Variants in MDFIC observed in about 807,000 individuals in gnomAD.
MDFIC encodes myoD family inhibitor domain-containing protein.
A neutral mutation model predicts 23.2 loss-of-function variants in MDFIC; 17 were observed. The observed-to-expected ratio is 0.73, with a 90% CI of 0.50 to 1.10. MDFIC has a LOEUF of 1.10. MDFIC is among the 50% of genes least tolerant of loss of function. The pLI is 0.00. For synonymous variants in MDFIC, 120 were observed against 115.2 expected (o/e 1.04, Z -0.27); for missense variants, 356 against 316.6 (o/e 1.12, Z -0.95).
chr7:114,926,448 C>T (rs1792191873), intron 2 of MDFIC, among the ~76,000 whole-genome samples: 1 of 152,146 alleles, frequency 6.6e-6, no homozygotes, highest in South Asian at 2.1e-4. Context: ...GATGCATTGA[C>T]AATAGGCTTG....
At position 115,016,172 on chromosome 7, in the gene MDFIC, G is replaced by A. The variant is rs1791791196; in HGVS notation, c.*237G>A. On this transcript the variant is annotated 3_prime_UTR_variant, in exon 5 of 5. Coordinates refer to ENST00000393486, the MANE Select transcript of MDFIC (RefSeq NM_001166345.3). ...TTCTTAATATGTTACAATAACTTAG[G>A]GACATTTTGACACCCCCCTTCCCAA... 2.3e-6 allele frequency: 1 copy of A among 430,344 alleles called. No homozygotes were observed. The highest frequency in any genetic ancestry group is 2.0e-5 in the African/African-American group (1 of 49,468). 26.7% of individuals were successfully genotyped at this position (430,344 alleles called of 1,614,324 possible). A position where few individuals can be genotyped will look rare whatever the true frequency, so the allele number is the denominator to read the frequency against.
In MDFIC at chr7:114,923,065, G is replaced by T. The variant is rs1325604153; in HGVS notation, c.32G>T (p.Gly11Val). 6.4e-6 allele frequency: 9 copies of T among 1,397,512 alleles called. No individual in the cohort carries two copies. The highest frequency in any genetic ancestry group is 8.4e-6 in the Non-Finnish European group (9 of 1,077,528). 86.6% of individuals were successfully genotyped at this position (1,397,512 alleles called of 1,614,324 possible). Residue 11 changes from glycine (G) to valine (V), a missense_variant, in exon 2 of 5, where the codon GGG (glycine) becomes GTG (valine). Gly to Val is a moderately radical substitution (Grantham distance 109). Transcript: ENST00000393486. ...GGCGCGGGCGAAGCCCTCGCTCCCG[G>T]GCCCGTGGGGCCGCAGCGCGTGGCC... is the stretch of plus-strand genomic sequence containing the variant. MSGAGEALAP[G>V]PVGPQRVAEA...
At chr7:114,944,977 A>G (rs1402457359) in intron 3 of MDFIC, among the ~76,000 whole-genome samples, 2 of 152,224 alleles carry the variant, frequency 1.3e-5, no homozygotes, top group African/African-American at 4.8e-5. Flanking sequence ...GGATCATCAG[A>G]AAAATGAGGC....
intron 2 of MDFIC, among the ~76,000 whole-genome samples, chr7:114,935,929 C>T (rs1041751092): frequency 2.0e-5 from 3 of 152,010 alleles, no homozygotes; most frequent in African/African-American, 4.8e-5. Context: ...TTATTTATAG[C>T]GTGTTTTAAA....
At chr7:114,997,242 G>A (rs1463578190) in intron 4 of MDFIC, among the ~76,000 whole-genome samples, 4 of 152,180 alleles carry the variant, frequency 2.6e-5, no homozygotes, top group Non-Finnish European at 5.9e-5. Context: ...AGGATATAAA[G>A]GCGAATGTTT....
At chr7:114,930,139 T>G (rs1792281483) in intron 2 of MDFIC, among the ~76,000 whole-genome samples, 1 of 152,180 alleles carries the variant, frequency 6.6e-6, no homozygotes, top group African/African-American at 2.4e-5. Context: ...AAATGCCTGC[T>G]GGGTAACACA....
intron 3 of MDFIC, among the ~76,000 whole-genome samples, chr7:114,956,337 TTA>T (rs1193658198): frequency 7.0e-6 from 1 of 142,184 alleles, no homozygotes; most frequent in Admixed American, 7.0e-5. Context: ...TACATAAATA[TTA>T]TATATATATA....
At chr7:115,006,260 T>C (rs1037048868) in intron 4 of MDFIC, among the ~76,000 whole-genome samples, 2 of 152,168 alleles carry the variant, frequency 1.3e-5, no homozygotes, top group African/African-American at 4.8e-5. Flanking sequence ...AGAATTGTTG[T>C]GTATGATCCC....
In MDFIC at chr7:114,985,145, G is replaced by C. The variant is rs6466506; in HGVS notation, c.493+5364G>C. Among the ~76,000 whole-genome samples, 1,108 of 152,272 alleles carry C rather than the reference G, an allele frequency of 7.3e-3. 17 individuals carry two copies. Among genetic ancestry groups the C allele is most frequent in the African/African-American group, 0.025 (1,022 of 41,564 alleles). ...TCACCAGTGATGTGTCTTTGGGCAG[G>C]TTACTTAGCCTCTTTTTGCATCAGC... On this transcript the variant is annotated intron_variant, in intron 4 of 4. Transcript: ENST00000393486.
intron 4 of MDFIC, among the ~76,000 whole-genome samples, chr7:114,985,053 G>A (rs1793485842): frequency 6.6e-6 from 1 of 152,138 alleles, no homozygotes; most frequent in African/African-American, 2.4e-5. Flanking sequence ...TAGAAGCAGT[G>A]TGGTATAGTA....
chr7:114,950,962 T>A (rs1792757022), intron 3 of MDFIC, among the ~76,000 whole-genome samples: 1 of 152,078 alleles, frequency 6.6e-6, no homozygotes, highest in South Asian at 2.1e-4. Flanking sequence ...TTGCTTGATT[T>A]CAGGAGTTTG....
At chr7:114,927,801 C>G (rs1792225424) in intron 2 of MDFIC, among the ~76,000 whole-genome samples, 1 of 152,012 alleles carries the variant, frequency 6.6e-6, no homozygotes, top group African/African-American at 2.4e-5. Flanking sequence ...ATTTAGTTCC[C>G]TAATAAAAGT....
intron 2 of MDFIC, among the ~76,000 whole-genome samples, chr7:114,935,799 A>G (rs1445632703): frequency 6.6e-6 from 1 of 152,092 alleles, no homozygotes; most frequent in East Asian, 1.9e-4. Context: ...AAAAAATAAC[A>G]TACAGCTACT....
intron 4 of MDFIC, among the ~76,000 whole-genome samples, chr7:115,009,748 C>CA (rs1295891595): frequency 2.0e-5 from 3 of 152,196 alleles, no homozygotes; most frequent in African/African-American, 7.2e-5. Flanking sequence ...TCGTAGGACT[C>CA]AAAGATTTTG....
chr7:114,973,107 A>G (rs1179653183), intron 3 of MDFIC, among the ~76,000 whole-genome samples: 1 of 150,318 alleles, frequency 6.7e-6, no homozygotes, highest in Non-Finnish European at 1.5e-5. Context: ...GTGTGTATAT[A>G]TATATATATA....
In MDFIC at chr7:114,986,521, C is replaced by T. The variant is rs74601297; in HGVS notation, c.493+6740C>T. 4.3e-3 allele frequency among the ~76,000 whole-genome samples: 657 copies of T among 152,314 alleles called. 4 individuals are homozygous for T. Among genetic ancestry groups the T allele is most frequent in the African/African-American group, 0.015 (625 of 41,566 alleles). The stretch of plus-strand genomic sequence containing the variant: ...GTAAAAATATCTTTCCTTGACCTTA[C>T]TATTTCCCCTTCCTTTCACCATCTG... On this transcript the variant is annotated intron_variant, in intron 4 of 4. Transcript: ENST00000393486.
chr7:114,932,768 G>C (rs993724094), intron 2 of MDFIC, among the ~76,000 whole-genome samples: 18 of 152,202 alleles, frequency 1.2e-4, no homozygotes, highest in African/African-American at 4.3e-4. Context: ...GGCTGAGTTA[G>C]TGAAGTTTAT....
In MDFIC at chr7:115,016,187, C is replaced by T. The variant is rs1791791516; in HGVS notation, c.*252C>T. On this transcript the variant is annotated 3_prime_UTR_variant, in exon 5 of 5. Coordinates refer to ENST00000393486, the MANE Select transcript of MDFIC (RefSeq NM_001166345.3). ...AATAACTTAGGGACATTTTGACACC[C>T]CCCTTCCCAAATGTTAAATGCCTTC... The T allele has an allele frequency of 2.5e-6, 1 of 405,456 alleles. No individual in the cohort carries two copies. The highest frequency in any genetic ancestry group is 4.4e-6 in the Non-Finnish European group (1 of 226,434). The allele number at this position is 405,456 out of a possible 1,614,324, so 25.1% of individuals were successfully genotyped here. A position where few individuals can be genotyped will look rare whatever the true frequency, so the allele number is the denominator to read the frequency against.
At position 114,928,564 on chromosome 7, in the gene MDFIC, A is replaced by G. The variant is rs958507764; in HGVS notation, c.94+5437A>G. Among the ~76,000 whole-genome samples, 16 of 152,326 alleles carry G rather than the reference A, an allele frequency of 1.1e-4. No individual in the cohort carries two copies. In the East Asian group the frequency reaches 2.7e-3, roughly 26 times the overall value. On this transcript the variant is annotated intron_variant, in intron 2 of 4. Transcript: ENST00000393486. ...AACAAGGCTTGGGGGAGATGATTAC[A>G]GAATATTGGGTACTTCACCAAGACC...
Sources: gnomAD v4.1 joint callset for allele counts (sites outside exome capture counted in the v4.1 genomes callset) on GRCh38, gnomAD v4.1.1 for gene constraint, MANE v1.5 for transcripts, NCBI Gene and HGNC (gene_info 2026-07-23, HGNC 2026-07-21) for gene names.